The following CTNND2 variants were observed in gnomAD, a reference collection of about 807,000 sequenced individuals.
CTNND2 encodes catenin delta-2.
Under a neutral mutation model 144.4 loss-of-function variants are expected in CTNND2, and 22 were observed. The ratio of observed to expected loss-of-function variants is 0.15; its 90% confidence interval spans 0.11 to 0.22. The LOEUF (loss-of-function observed/expected upper bound fraction) is 0.22. Among genes scored for constraint, CTNND2 ranks in the 10% least tolerant of loss-of-function variants. The pLI is 1.00. For synonymous variants in CTNND2, 751 were observed against 695.6 expected (o/e 1.08, Z -1.25); for missense variants, 1,353 against 1,618.8 (o/e 0.84, Z 2.82).
intron 1 of CTNND2, among the ~76,000 whole-genome samples, chr5:11,857,462 G>C (rs930601269): frequency 6.6e-6 from 1 of 152,196 alleles, no homozygotes; most frequent in African/African-American, 2.4e-5. Flanking sequence ...TCCTGCACGA[G>C]AGCCGGACAG....
chr5:11,670,711 G>A (rs1783836568), intron 2 of CTNND2, among the ~76,000 whole-genome samples: 1 of 152,070 alleles, frequency 6.6e-6, no homozygotes, highest in African/African-American at 2.4e-5. Context: ...ACACAGATGG[G>A]TCTTGACTCT....
intron 7 of CTNND2, among the ~76,000 whole-genome samples, chr5:11,368,438 C>T (rs1359220672): frequency 6.6e-6 from 1 of 152,058 alleles, no homozygotes; most frequent in Non-Finnish European, 1.5e-5. Context: ...AGTCCTATGG[C>T]AGGGAGGGAG....
intron 2 of CTNND2, among the ~76,000 whole-genome samples, chr5:11,652,375 AT>A (rs147353655): frequency 0.14 from 21,820 of 152,166 alleles, 1,602 homozygotes; most frequent in East Asian, 0.16. Flanking sequence ...GTGTGAATCA[AT>A]TAAACCTCTT....
At chr5:10,996,881 G>A (rs1233565189) in intron 18 of CTNND2, among the ~76,000 whole-genome samples, 7 of 152,156 alleles carry the variant, frequency 4.6e-5, no homozygotes, top group South Asian at 4.1e-4. Context: ...ACAGGTGTGA[G>A]CCACTGTGCC....
chr5:11,874,097 G>A (rs1735368963), intron 1 of CTNND2, among the ~76,000 whole-genome samples: 1 of 152,034 alleles, frequency 6.6e-6, no homozygotes, highest in African/African-American at 2.4e-5. Context: ...AAACAGAAAC[G>A]CTGGAATTGA....
At chr5:11,126,019 C>T (rs932475841) in intron 12 of CTNND2, among the ~76,000 whole-genome samples, 28 of 152,252 alleles carry the variant, frequency 1.8e-4, no homozygotes, top group Admixed American at 5.2e-4. Context: ...ATAAATAGAT[C>T]GGCTGGGCAC....
intron 9 of CTNND2, among the ~76,000 whole-genome samples, chr5:11,259,619 T>C (rs1744657049): frequency 6.6e-6 from 1 of 152,224 alleles, no homozygotes; most frequent in Admixed American, 6.5e-5. Flanking sequence ...TGGTTGGTTA[T>C]GCAGCAAATG....
intron 3 of CTNND2, among the ~76,000 whole-genome samples, chr5:11,512,417 TCAA>T (rs1451581059): frequency 6.6e-6 from 1 of 152,230 alleles, no homozygotes; most frequent in Non-Finnish European, 1.5e-5. Flanking sequence ...CTGCGGCTTA[TCAA>T]TTTCCCACAA....
At chr5:11,501,259 G>C (rs1283613988) in intron 3 of CTNND2, among the ~76,000 whole-genome samples, 1 of 152,214 alleles carries the variant, frequency 6.6e-6, no homozygotes, top group Non-Finnish European at 1.5e-5. Context: ...CCATTCCTGG[G>C]AGCCAAGGGG....
chr5:11,439,314 G>A (rs1764042756), intron 3 of CTNND2, among the ~76,000 whole-genome samples: 1 of 152,178 alleles, frequency 6.6e-6, no homozygotes, highest in African/African-American at 2.4e-5. Flanking sequence ...GCCTTGGTCA[G>A]GGAGAGGAGA....
intron 2 of CTNND2, among the ~76,000 whole-genome samples, chr5:11,613,225 T>C (rs1480098631): frequency 6.6e-6 from 1 of 152,246 alleles, no homozygotes; most frequent in African/African-American, 2.4e-5. Flanking sequence ...AATTATTCTG[T>C]TGCAAGTAGC....
At chr5:11,354,920 T>C (rs529783062) in intron 8 of CTNND2, among the ~76,000 whole-genome samples, 3 of 152,280 alleles carry the variant, frequency 2.0e-5, no homozygotes, top group Admixed American at 6.5e-5. Flanking sequence ...AAAATGCTAT[T>C]GAATTAGAAA....
intron 3 of CTNND2, among the ~76,000 whole-genome samples, chr5:11,471,700 T>A (rs1464710581): frequency 1.3e-5 from 2 of 152,198 alleles, no homozygotes; most frequent in Non-Finnish European, 2.9e-5. Context: ...CCATTAAATA[T>A]CATGACAAAA....
chr5:11,587,000 C>G (rs920966020), intron 2 of CTNND2, among the ~76,000 whole-genome samples: 2 of 152,004 alleles, frequency 1.3e-5, no homozygotes, highest in African/African-American at 4.8e-5. Flanking sequence ...AGGGAATGGG[C>G]AAACATAATC....
Position 11,162,149 on chromosome 5 carries a change from T to A in CTNND2, c.1976-2390A>T, listed in dbSNP as rs559837980. On this transcript the variant is annotated intron_variant, in intron 11 of 21. Transcript: ENST00000304623. ...GCCTGGGTGACAGAGCAAGGTTCCA[T>A]CTCGGGAAAGCAAGCAAGCAAACAA... 2.0e-5 allele frequency among the ~76,000 whole-genome samples: 3 copies of A among 152,118 alleles called. No homozygotes were observed. The South Asian group carries it at 6.2e-4, about 32-fold the overall frequency.
intron 3 of CTNND2, among the ~76,000 whole-genome samples, chr5:11,560,549 G>A (rs1035446522): frequency 8.5e-5 from 13 of 152,188 alleles, no homozygotes; most frequent in African/African-American, 2.9e-4. Context: ...TTTGACTGAA[G>A]GTTAAAATAT....
At chr5:11,351,166 A>C (rs929479641) in intron 8 of CTNND2, among the ~76,000 whole-genome samples, 5 of 152,176 alleles carry the variant, frequency 3.3e-5, no homozygotes, top group Non-Finnish European at 7.3e-5. Context: ...TGGACTGTTG[A>C]ACACTTTTCC....
intron 8 of CTNND2, among the ~76,000 whole-genome samples, chr5:11,362,435 G>T (rs1428854217): frequency 6.6e-6 from 1 of 152,162 alleles, no homozygotes; most frequent in Non-Finnish European, 1.5e-5. Flanking sequence ...TATGAATTAG[G>T]TATAGACACA....
intron 1 of CTNND2, among the ~76,000 whole-genome samples, chr5:11,749,109 G>T (rs1043203633): frequency 1.1e-4 from 17 of 152,108 alleles, no homozygotes; most frequent in Non-Finnish European, 2.2e-4. Flanking sequence ...TGGGCCATAT[G>T]AGTAAGACAT....
Sources: allele counts gnomAD v4.1 joint callset (sites outside exome capture counted in the v4.1 genomes callset), GRCh38; gene constraint gnomAD v4.1.1; transcripts MANE v1.5; gene names NCBI Gene and HGNC (gene_info 2026-07-23, HGNC 2026-07-21).